Variants in MAP4K3 observed in about 807,000 individuals in gnomAD.
The protein encoded by MAP4K3 is mitogen-activated protein kinase kinase kinase kinase 3.
MAP4K3 carries 94 observed loss-of-function variants against 143.5 expected under a neutral mutation model. The observed-to-expected ratio is 0.65, with a 90% confidence interval of 0.55 to 0.78. MAP4K3 has a LOEUF of 0.78. MAP4K3 is among the 30% of genes least tolerant of loss of function. The probability of loss-of-function intolerance (pLI) is 0.00; values close to 1 mark genes in which losing one functional copy is unlikely to be tolerated. For synonymous variants in MAP4K3, 416 were observed against 347.2 expected, an observed-to-expected ratio of 1.20 and a Z score of -2.20; for missense variants, 1,077 against 1,068.1, an observed-to-expected ratio of 1.01 and a Z score of -0.12.
chr2:39,396,664 G>A (rs1352134887), intron 1 of MAP4K3, among the ~76,000 whole-genome samples: 17 of 151,898 alleles, frequency 1.1e-4, no homozygotes, highest in African/African-American at 2.9e-4. Flanking sequence ...TAGTACAGAC[G>A]GGGTTTCACC....
chr2:39,295,583 T>A (rs912197709), intron 16 of MAP4K3, among the ~76,000 whole-genome samples: 1 of 152,136 alleles, frequency 6.6e-6, no homozygotes, highest in Admixed American at 6.5e-5. Context: ...GAAAAAATAC[T>A]TTTTTGTTAA....
intron 1 of MAP4K3, among the ~76,000 whole-genome samples, chr2:39,381,356 A>C (rs72801472): frequency 0.028 from 4,268 of 152,288 alleles, 94 homozygotes; most frequent in Non-Finnish European, 0.044. Context: ...GTTAATTGTA[A>C]GAGTTCTTCA....
chr2:39,334,091 T>C (rs752352487), intron 6 of MAP4K3, among the ~76,000 whole-genome samples: 7 of 151,946 alleles, frequency 4.6e-5, no homozygotes, highest in Admixed American at 6.6e-5. Flanking sequence ...TACATGAGGT[T>C]GTCTATCCTA....
chr2:39,311,731 G>A (rs1276275217), intron 13 of MAP4K3, among the ~76,000 whole-genome samples: 1 of 152,218 alleles, frequency 6.6e-6, no homozygotes, highest in East Asian at 1.9e-4. Context: ...CAAACATTCA[G>A]ATGACTCCAG....
chr2:39,325,987 A>T, intron 9 of MAP4K3, 26 bp from the exon 10 acceptor site: 1 of 1,553,958 alleles, frequency 6.4e-7, no homozygotes, highest in East Asian at 2.2e-5. Flanking sequence ...ATCATTACAC[A>T]GCATTTTAAT....
intron 1 of MAP4K3, among the ~76,000 whole-genome samples, chr2:39,423,874 C>G (rs1664973174): frequency 6.6e-6 from 1 of 152,196 alleles, no homozygotes; most frequent in South Asian, 2.1e-4. Flanking sequence ...AAATGTGCAA[C>G]ACAGAGTGAT....
chr2:39,251,906 T>C, intron 32 of MAP4K3, 21 bp from the exon 33 acceptor site: 1 of 1,589,810 alleles, frequency 6.3e-7, no homozygotes, highest in South Asian at 1.1e-5. Context: ...AAAACACAAA[T>C]TTAATTTCTG....
chr2:39,281,474 TTTAACTAACCCTAATAAC>T, intron 22 of MAP4K3, among the ~76,000 whole-genome samples: 1 of 152,210 alleles, frequency 6.6e-6, no homozygotes, highest in Admixed American at 6.5e-5. Flanking sequence ...GAAACTATCA[TTTAACTAACCCTAATAAC>T]GACCTTTTAA....
At chr2:39,313,479 CTTTT>C (rs1050838897) in intron 13 of MAP4K3, among the ~76,000 whole-genome samples, 3 of 151,072 alleles carry the variant, frequency 2.0e-5, no homozygotes, top group Admixed American at 6.6e-5. Context: ...TCCTTCCTTT[CTTTT>C]TCTTTTCTTT....
intron 1 of MAP4K3, among the ~76,000 whole-genome samples, chr2:39,392,396 A>C (rs1222641862): frequency 6.6e-6 from 1 of 152,102 alleles, no homozygotes; most frequent in Non-Finnish European, 1.5e-5. Flanking sequence ...CTGCTAACTC[A>C]ATATTGCCTA....
chr2:39,357,972 G>A (rs1230361826), intron 2 of MAP4K3, among the ~76,000 whole-genome samples: 2 of 152,160 alleles, frequency 1.3e-5, no homozygotes, highest in Non-Finnish European at 2.9e-5. Flanking sequence ...AGCCCTGAGA[G>A]TTATTAGTAG....
intron 1 of MAP4K3, among the ~76,000 whole-genome samples, chr2:39,423,475 A>G (rs183067098): frequency 6.6e-6 from 1 of 152,370 alleles, no homozygotes; most frequent in East Asian, 1.9e-4. Context: ...ATGGATATTT[A>G]TAGCTGCTTT....
intron 3 of MAP4K3, among the ~76,000 whole-genome samples, chr2:39,350,627 A>G (rs1431417785): frequency 6.6e-6 from 1 of 152,086 alleles, no homozygotes; most frequent in Non-Finnish European, 1.5e-5. Context: ...ATTTTTTCCC[A>G]GTTTTATATA....
At chr2:39,417,880 A>G (rs1177812063) in intron 1 of MAP4K3, among the ~76,000 whole-genome samples, 1 of 152,168 alleles carries the variant, frequency 6.6e-6, no homozygotes, top group Non-Finnish European at 1.5e-5. Context: ...AGCCTAAAGC[A>G]TCTTGCAGTG....
chr2:39,265,087 T>G (rs1423786629), intron 28 of MAP4K3, 116 bp downstream of exon 28: 1 of 764,550 alleles, frequency 1.3e-6, no homozygotes, highest in Non-Finnish European at 2.2e-6. Context: ...CCCTGCCACA[T>G]TATCTAAAAT....
At chr2:39,266,400 C>A (rs1161749096) in intron 27 of MAP4K3, among the ~76,000 whole-genome samples, 4 of 152,208 alleles carry the variant, frequency 2.6e-5, no homozygotes, top group Admixed American at 6.5e-5. Flanking sequence ...TACATGCTCA[C>A]ACAAGGCCAA....
chr2:39,310,257 C>G (rs1461505312), intron 13 of MAP4K3, among the ~76,000 whole-genome samples: 2 of 152,192 alleles, frequency 1.3e-5, no homozygotes, highest in African/African-American at 2.4e-5. Context: ...CCACCTATCT[C>G]TTACCCTTTC....
chr2:39,343,529 T>G, intron 3 of MAP4K3, 77 bp from the exon 4 acceptor site: 1 of 1,168,812 alleles, frequency 8.6e-7, no homozygotes, highest in South Asian at 1.3e-5. Flanking sequence ...ATTTTAAGGT[T>G]GTAAGCTGTA....
At position 39,436,928 on chromosome 2, in the gene MAP4K3, C is replaced by T; in HGVS notation, c.60G>A (p.Gln20=). ...RNPQEDFELI[Q]RIGSGTYGDV... Reference sequence around the variant, plus strand: ...CGCCGTAGGTGCCGCTGCCGATGCGCTGAATCAGCTCGAAGTCCTCCTGCG... The same window carrying T: ...CGCCGTAGGTGCCGCTGCCGATGCGTTGAATCAGCTCGAAGTCCTCCTGCG... Residue 20 remains glutamine (Q), a synonymous_variant, in exon 1 of 34, where the codon CAG becomes CAA. Transcript: ENST00000263881. 1.2e-6 allele frequency: 2 copies of T among 1,612,898 alleles called. No individual in the cohort carries two copies. The highest frequency in any genetic ancestry group is 2.2e-5 in the South Asian group (2 of 91,050).
Sources: allele counts gnomAD v4.1 joint callset (sites outside exome capture counted in the v4.1 genomes callset), GRCh38; gene constraint gnomAD v4.1.1; transcripts MANE v1.5; gene names NCBI Gene and HGNC (gene_info 2026-07-23, HGNC 2026-07-21).